Variants in IGF1R observed in about 807,000 individuals in gnomAD.
The protein encoded by IGF1R is insulin like growth factor 1 receptor.
In IGF1R, 44 loss-of-function variants were observed where a neutral mutation model predicts 144.6. The ratio of observed to expected loss-of-function variants is 0.30; its 90% confidence interval spans 0.24 to 0.39. IGF1R has a LOEUF of 0.39. Among genes scored for constraint, IGF1R ranks in the 10% least tolerant of loss-of-function variants. The probability of loss-of-function intolerance (pLI) is 1.00; values close to 1 mark genes in which losing one functional copy is unlikely to be tolerated. For synonymous variants in IGF1R, 795 were observed against 722.8 expected (o/e 1.10, Z -1.60); for missense variants, 1,355 against 1,833.7 (o/e 0.74, Z 4.77).
chr15:98,809,194 A>G (rs1254812155), intron 2 of IGF1R, among the ~76,000 whole-genome samples: 1 of 152,158 alleles, frequency 6.6e-6, no homozygotes, highest in African/African-American at 2.4e-5. Flanking sequence ...TCTTTCCTGC[A>G]TGTACTGAGG....
At chr15:98,849,894 AAATATTTGAT>A (rs1274213767) in intron 2 of IGF1R, among the ~76,000 whole-genome samples, 1 of 152,212 alleles carries the variant, frequency 6.6e-6, no homozygotes, top group Non-Finnish European at 1.5e-5. Flanking sequence ...AAAAAATCCA[AAATATTTGAT>A]AACACACTCT....
intron 1 of IGF1R, among the ~76,000 whole-genome samples, chr15:98,670,570 G>A (rs1182231209): frequency 6.6e-6 from 1 of 152,194 alleles, no homozygotes; most frequent in Non-Finnish European, 1.5e-5. Context: ...GGCTACTGGT[G>A]TTTATGAAAT....
chr15:98,819,055 TGGA>T lies in IGF1R; in HGVS notation c.641-72268_641-72266del, dbSNP rs548408931. 4.6e-5 allele frequency among the ~76,000 whole-genome samples: 7 copies of T among 151,984 alleles called. No homozygotes were observed. In the East Asian group the frequency reaches 1.4e-3, roughly 30 times the overall value. On this transcript the variant is annotated intron_variant, in intron 2 of 20. Coordinates refer to ENST00000650285, the MANE Select transcript of IGF1R (RefSeq NM_000875.5). Reference sequence around the variant, plus strand: ...GCAGTGTAGTTTGGGAAGTGTGTGGTGGAGAAGGCAGATGGGGCAGGAGCTCTG... The same window carrying T: ...GCAGTGTAGTTTGGGAAGTGTGTGGTGAAGGCAGATGGGGCAGGAGCTCTG...
rs144864523 is a variant in IGF1R, at chr15:98,758,207, GTT to G, written c.640+50112_640+50113del. Among the ~76,000 whole-genome samples, 827 of 143,564 alleles carry G rather than the reference GTT, an allele frequency of 5.8e-3. 6 individuals are homozygous for G. The highest frequency in any genetic ancestry group is 0.017 in the African/African-American group (676 of 39,032). The allele number at this position is 143,564 out of a possible 152,430, so 94.2% of individuals were successfully genotyped here. A position where few individuals can be genotyped will look rare whatever the true frequency, so the allele number is the denominator to read the frequency against. ...TCTGTTCAATTTAAAATTTTAAAGT[GTT>G]TTTTTTTTTTTAATTCCTGAAAGTT... On this transcript the variant is annotated intron_variant, in intron 2 of 20. Coordinates refer to ENST00000650285, the MANE Select transcript of IGF1R (RefSeq NM_000875.5).
chr15:98,674,812 A>G (rs549429482), intron 1 of IGF1R, among the ~76,000 whole-genome samples: 1 of 152,142 alleles, frequency 6.6e-6, no homozygotes, highest in East Asian at 1.9e-4. Context: ...CTAGACTTAT[A>G]TGTGTATCTA....
intron 6 of IGF1R, among the ~76,000 whole-genome samples, chr15:98,910,302 G>C (rs2014952556): frequency 6.6e-6 from 1 of 152,208 alleles, no homozygotes; most frequent in Non-Finnish European, 1.5e-5. Context: ...TCTCCTTAGA[G>C]TCAGCCAGTC....
At chr15:98,661,229 GTCTC>G (rs994550179) in intron 1 of IGF1R, among the ~76,000 whole-genome samples, 9 of 152,130 alleles carry the variant, frequency 5.9e-5, no homozygotes, top group African/African-American at 1.7e-4. Context: ...GGTCTTACAG[GTCTC>G]TCTATCATTG....
intron 2 of IGF1R, among the ~76,000 whole-genome samples, chr15:98,806,515 A>G (rs758817352): frequency 5.3e-5 from 8 of 151,992 alleles, no homozygotes; most frequent in Non-Finnish European, 1.0e-4. Flanking sequence ...AAACTGTTGA[A>G]TAGTAGGAGA....
chr15:98,831,474 C>G (rs1226287129), intron 2 of IGF1R, among the ~76,000 whole-genome samples: 1 of 152,218 alleles, frequency 6.6e-6, no homozygotes, highest in Non-Finnish European at 1.5e-5. Flanking sequence ...CATCCACATT[C>G]CGATCTTGAT....
intron 2 of IGF1R, among the ~76,000 whole-genome samples, chr15:98,807,820 G>C (rs890961065): frequency 6.6e-6 from 1 of 152,292 alleles, no homozygotes; most frequent in East Asian, 1.9e-4. Context: ...TCAAGCAGTC[G>C]GATTTTCTGT....
At chr15:98,813,641 G>A (rs1437722338) in intron 2 of IGF1R, among the ~76,000 whole-genome samples, 1 of 152,138 alleles carries the variant, frequency 6.6e-6, no homozygotes, top group Non-Finnish European at 1.5e-5. Flanking sequence ...TTTAACTGTT[G>A]GCCTCACCGT....
chr15:98,702,800 T>A (rs1422185030), intron 1 of IGF1R, among the ~76,000 whole-genome samples: 1 of 151,794 alleles, frequency 6.6e-6, no homozygotes, highest in Non-Finnish European at 1.5e-5. Flanking sequence ...AACCTAGGTG[T>A]TATGGTGTAC....
At chr15:98,841,823 G>A (rs1250860219) in intron 2 of IGF1R, among the ~76,000 whole-genome samples, 2 of 152,142 alleles carry the variant, frequency 1.3e-5, no homozygotes, top group African/African-American at 2.4e-5. Context: ...CTTGGAACAT[G>A]GAGCACCACT....
At chr15:98,700,403 G>A (rs2053698824) in intron 1 of IGF1R, among the ~76,000 whole-genome samples, 1 of 152,174 alleles carries the variant, frequency 6.6e-6, no homozygotes, top group South Asian at 2.1e-4. Context: ...TGGGTAGGGA[G>A]GGTAGTGACA....
intron 1 of IGF1R, among the ~76,000 whole-genome samples, chr15:98,690,657 A>G (rs1052829738): frequency 7.2e-5 from 11 of 152,236 alleles, no homozygotes; most frequent in African/African-American, 2.7e-4. Flanking sequence ...TTAGAACAAT[A>G]CACAGTTACA....
At chr15:98,907,138 C>T (rs1180596841) in intron 5 of IGF1R, among the ~76,000 whole-genome samples, 1 of 152,230 alleles carries the variant, frequency 6.6e-6, no homozygotes, top group Non-Finnish European at 1.5e-5. Flanking sequence ...GCAGCTCATT[C>T]ATGGCATTTC....
At position 98,862,035 on chromosome 15, in the gene IGF1R, G is replaced by A. The variant is rs138977770; in HGVS notation, c.641-29290G>A. Among the ~76,000 whole-genome samples, 436 of 150,480 alleles carry A rather than the reference G, an allele frequency of 2.9e-3. 4 individuals carry two copies. Among genetic ancestry groups the A allele is most frequent in the African/African-American group, 1.0e-2 (413 of 41,466 alleles). Reference sequence around the variant, plus strand: ...AGATCAAGCTTTTCAGATGAGATTTGGGTGAAACCCTGACAAACTCTTTTT... The same window carrying A: ...AGATCAAGCTTTTCAGATGAGATTTAGGTGAAACCCTGACAAACTCTTTTT... On this transcript the variant is annotated intron_variant, in intron 2 of 20. Coordinates refer to ENST00000650285, the MANE Select transcript of IGF1R (RefSeq NM_000875.5).
intron 1 of IGF1R, among the ~76,000 whole-genome samples, chr15:98,664,855 TC>T (rs2052692006): frequency 6.6e-6 from 1 of 150,696 alleles, no homozygotes; most frequent in Non-Finnish European, 1.5e-5. Flanking sequence ...GTTATTTACT[TC>T]CTTTAAAAAA....
At chr15:98,826,440 T>C (rs2056896233) in intron 2 of IGF1R, among the ~76,000 whole-genome samples, 2 of 152,236 alleles carry the variant, frequency 1.3e-5, no homozygotes, top group Admixed American at 6.5e-5. Flanking sequence ...CAAAATGATA[T>C]TTAAGTGAAC....
Sources: gnomAD v4.1 joint callset for allele counts (sites outside exome capture counted in the v4.1 genomes callset) on GRCh38, gnomAD v4.1.1 for gene constraint, MANE v1.5 for transcripts, NCBI Gene and HGNC (gene_info 2026-07-23, HGNC 2026-07-21) for gene names.